The following DSCAML1 variants were observed in gnomAD, a reference collection of about 807,000 sequenced individuals.
DSCAML1 encodes DS cell adhesion molecule like 1.
A neutral mutation model predicts 200.5 loss-of-function variants in DSCAML1; 38 were observed. The ratio of observed to expected loss-of-function variants is 0.19; its 90% CI spans 0.15 to 0.25. The LOEUF is 0.25. DSCAML1 is among the 10% of genes least tolerant of loss of function. DSCAML1 has a pLI of 1.00. For missense variants in DSCAML1, 2,223 were observed against 2,858.8 expected (o/e 0.78, Z 5.07); for synonymous variants, 1,215 against 1,165.0 (o/e 1.04, Z -0.87).
intron 3 of DSCAML1, among the ~76,000 whole-genome samples, chr11:117,609,203 T>TA (rs59810881): frequency 1.0e-3 from 143 of 139,254 alleles, no homozygotes; most frequent in Admixed American, 9.3e-4. Context: ...TATCTCAATT[T>TA]AAAAAAAAAA....
intron 19 of DSCAML1, among the ~76,000 whole-genome samples, chr11:117,451,814 C>CA (rs10579506): frequency 0.055 from 8,096 of 148,326 alleles, 430 homozygotes; most frequent in African/African-American, 0.14. Context: ...GACTCCGTCT[C>CA]AAAAAAAAAA....
intron 1 of DSCAML1, among the ~76,000 whole-genome samples, chr11:117,804,482 C>T (rs1371000786): frequency 6.6e-6 from 1 of 152,220 alleles, no homozygotes; most frequent in African/African-American, 2.4e-5. Flanking sequence ...AAGATGTGCC[C>T]AATCTGGACA....
intron 3 of DSCAML1, among the ~76,000 whole-genome samples, chr11:117,737,112 G>T (rs928427500): frequency 4.6e-5 from 7 of 152,286 alleles, no homozygotes; most frequent in African/African-American, 9.6e-5. Context: ...AGAAGGCAAC[G>T]CTGTCCAGCT....
chr11:117,793,589 C>A (rs1475780159), intron 1 of DSCAML1, among the ~76,000 whole-genome samples: 1 of 152,130 alleles, frequency 6.6e-6, no homozygotes, highest in Non-Finnish European at 1.5e-5. Flanking sequence ...TCTGGACAGA[C>A]CTTGACCCTG....
chr11:117,717,938 A>G (rs925157043), intron 3 of DSCAML1, among the ~76,000 whole-genome samples: 4 of 152,222 alleles, frequency 2.6e-5, no homozygotes, highest in Non-Finnish European at 4.4e-5. Context: ...AGAGGAGTGC[A>G]GGTTCCAGCT....
chr11:117,575,125 A>T (rs1471419887), intron 3 of DSCAML1, among the ~76,000 whole-genome samples: 2 of 152,218 alleles, frequency 1.3e-5, no homozygotes, highest in Admixed American at 6.5e-5. Context: ...CAGGAGGCGG[A>T]GGTTGCAATG....
At position 117,463,736 on chromosome 11, in the gene DSCAML1, G is replaced by A. The variant is rs542298192; in HGVS notation, c.3265+1206C>T. 7.9e-5 allele frequency among the ~76,000 whole-genome samples: 12 copies of A among 152,290 alleles called. No individual in the cohort carries two copies. The highest frequency in any genetic ancestry group is 1.5e-4 in the Non-Finnish European group (10 of 68,020). ...CCCTCCCCCTGGACTTCTCTGCCAC[G>A]TGCCTCTTTCCTTCTTTCAGTTCTC... On this transcript the variant is annotated intron_variant, in intron 17 of 32. Transcript: ENST00000651296. The surrounding 1 kb of genome is among the most constrained non-coding windows in gnomAD (Gnocchi z 4.0).
In DSCAML1 at chr11:117,552,799, G is replaced by A. The variant is rs150309996; in HGVS notation, c.512-20277C>T. On this transcript the variant is annotated intron_variant, in intron 3 of 32. Transcript: ENST00000651296. ...CTTGCACCTTTAGTGTCAAATCCAG[G>A]GTCATTTCTGCCTCCATGAAGTCAC... 4.3e-3 allele frequency among the ~76,000 whole-genome samples: 653 copies of A among 152,178 alleles called. 5 individuals are homozygous for A. Among genetic ancestry groups the A allele is most frequent in the African/African-American group, 0.015 (620 of 41,498 alleles).
In DSCAML1 at chr11:117,542,319, A is replaced by C. The variant is rs948797735; in HGVS notation, c.512-9797T>G. On this transcript the variant is annotated intron_variant, in intron 3 of 32. Coordinates refer to ENST00000651296, the MANE Select transcript of DSCAML1 (RefSeq NM_020693.4). ...CAAAAAAACAAAACAAAACAAAACA[A>C]AACAAAACACAAAAACAACAACAAC... Among the ~76,000 whole-genome samples, 34 of 100,460 alleles carry C rather than the reference A, an allele frequency of 3.4e-4. No individual in the cohort carries two copies. In the South Asian group the frequency reaches 4.7e-3, roughly 14 times the overall value. 65.9% of individuals were successfully genotyped at this position (100,460 alleles called of 152,430 possible).
chr11:117,590,697 A>G (rs1463469739), intron 3 of DSCAML1, among the ~76,000 whole-genome samples: 1 of 152,210 alleles, frequency 6.6e-6, no homozygotes, highest in African/African-American at 2.4e-5. Flanking sequence ...ACTGCAGCAG[A>G]AAGGACTGCT....
At chr11:117,666,824 G>C (rs555398593) in intron 3 of DSCAML1, among the ~76,000 whole-genome samples, 1 of 152,372 alleles carries the variant, frequency 6.6e-6, no homozygotes, top group East Asian at 1.9e-4. Flanking sequence ...GCCTCTCTCA[G>C]GGTGGCTGGA....
intron 29 of DSCAML1, among the ~76,000 whole-genome samples, chr11:117,432,921 T>G (rs1262993146): frequency 6.6e-6 from 1 of 152,124 alleles, no homozygotes; most frequent in East Asian, 1.9e-4. Flanking sequence ...TTATCCAATG[T>G]TGAGTCACAG....
intron 3 of DSCAML1, among the ~76,000 whole-genome samples, chr11:117,614,805 A>G (rs1462151695): frequency 2.0e-5 from 3 of 152,190 alleles, no homozygotes; most frequent in Admixed American, 6.5e-5. Context: ...ACCTGCAACA[A>G]TGCAGCTCAT....
At chr11:117,595,406 T>C (rs992914733) in intron 3 of DSCAML1, among the ~76,000 whole-genome samples, 1 of 152,224 alleles carries the variant, frequency 6.6e-6, no homozygotes, top group Non-Finnish European at 1.5e-5. Flanking sequence ...CTTTTAGTCT[T>C]TTTTTGGAAG....
chr11:117,804,499 C>T (rs1565293969), intron 1 of DSCAML1, among the ~76,000 whole-genome samples: 1 of 152,234 alleles, frequency 6.6e-6, no homozygotes, highest in Admixed American at 6.5e-5. Flanking sequence ...GACAAAATGA[C>T]AGCTATTCAA....
intron 3 of DSCAML1, among the ~76,000 whole-genome samples, chr11:117,601,375 T>C (rs189993180): frequency 2.4e-4 from 37 of 152,260 alleles, no homozygotes; most frequent in African/African-American, 8.7e-4. Flanking sequence ...ACAAAGACTC[T>C]TCAGCAGGGA....
chr11:117,574,783 G>A (rs2050904065), intron 3 of DSCAML1, among the ~76,000 whole-genome samples: 1 of 152,204 alleles, frequency 6.6e-6, no homozygotes, highest in African/African-American at 2.4e-5. Flanking sequence ...CCAGACTACA[G>A]AAAGCAGCAT....
At chr11:117,576,547 G>T (rs369062318) in intron 3 of DSCAML1, among the ~76,000 whole-genome samples, 1 of 152,334 alleles carries the variant, frequency 6.6e-6, no homozygotes, top group East Asian at 1.9e-4. Context: ...ATGAAGACAA[G>T]AATGAAGATA....
At chr11:117,584,646 A>T (rs1015425324) in intron 3 of DSCAML1, among the ~76,000 whole-genome samples, 20 of 152,220 alleles carry the variant, frequency 1.3e-4, no homozygotes, top group Admixed American at 2.6e-4. Flanking sequence ...AAAATCAGGC[A>T]TGTGCATCAC....
Sources: gnomAD v4.1 joint callset for allele counts (sites outside exome capture counted in the v4.1 genomes callset) on GRCh38, gnomAD v4.1.1 for gene constraint, Gnocchi (gnomAD v3.1) non-coding constraint, MANE v1.5 for transcripts, NCBI Gene and HGNC (gene_info 2026-07-23, HGNC 2026-07-21) for gene names.